The following SLCO4C1 variants were observed in gnomAD, a reference collection of about 807,000 sequenced individuals.
SLCO4C1 encodes organic anion transporter M1.
In SLCO4C1, 58 loss-of-function variants were observed where a neutral mutation model predicts 72.1. The observed-to-expected ratio is 0.80, with a 90% CI of 0.65 to 1.00. SLCO4C1 has a LOEUF of 1.00. Ranked by LOEUF, SLCO4C1 falls within the 50% of genes least tolerant of loss-of-function variation. The probability of loss-of-function intolerance (pLI) is 0.00; values close to 1 mark genes in which losing one functional copy is unlikely to be tolerated. For missense variants in SLCO4C1, 898 were observed against 857.9 expected (o/e 1.05, Z -0.58); for synonymous variants, 297 against 312.5 (o/e 0.95, Z 0.52).
At chr5:102,273,143 G>C (rs1749184846) in intron 2 of SLCO4C1, among the ~76,000 whole-genome samples, 1 of 151,972 alleles carries the variant, frequency 6.6e-6, no homozygotes, top group South Asian at 2.1e-4. Context: ...GAATAGACTT[G>C]AGAAATATGA....
chr5:102,243,539 C>T (rs72777929), intron 10 of SLCO4C1, among the ~76,000 whole-genome samples: 1,762 of 152,276 alleles, frequency 0.012, 20 homozygotes, highest in Middle Eastern at 0.02. Flanking sequence ...TACTGGCCTT[C>T]GGGTGCCCCT....
chr5:102,251,322 A>G (rs1206729492), intron 8 of SLCO4C1, among the ~76,000 whole-genome samples: 1 of 152,236 alleles, frequency 6.6e-6, no homozygotes, highest in South Asian at 2.1e-4. Flanking sequence ...ACCAGTTACA[A>G]TACCCTAGAC....
Position 102,257,187 on chromosome 5 carries a change from G to T in SLCO4C1, c.1397C>A (p.Thr466Lys). 6.2e-7 allele frequency: 1 copy of T among 1,607,160 alleles called. No homozygotes were observed. Among genetic ancestry groups the T allele is most frequent in the Non-Finnish European group, 8.5e-7 (1 of 1,177,142 alleles). The change falls in exon 8 of 13, where the codon ACG (threonine) becomes AAG (lysine). Residue 466 changes from threonine (T) to lysine (K), a missense_variant. Transcript: ENST00000310954. ...GGCATACATAAATACAAAACTCAGC[G>T]TAAGTGCAACTCCAGATGTGAACAG... ...FALFTSGVALTLSFVFMYAKC... is the reference protein window; with the variant it reads ...FALFTSGVALKLSFVFMYAKC...
intron 10 of SLCO4C1, 27 bp from the exon 11 acceptor site, chr5:102,240,809 C>CA (rs757533667): frequency 1.3e-6 from 2 of 1,537,772 alleles, no homozygotes; most frequent in South Asian, 2.3e-5. Flanking sequence ...TATATGAGAC[C>CA]AAAAAAGGTG....
chr5:102,286,563 T>G (rs1381286685), intron 2 of SLCO4C1, among the ~76,000 whole-genome samples: 1 of 152,144 alleles, frequency 6.6e-6, no homozygotes, highest in African/African-American at 2.4e-5. Context: ...ATGACTTATT[T>G]AAAAGTGTTT....
At chr5:102,263,887 C>T in intron 3 of SLCO4C1, 107 bp from the exon 4 acceptor site, 1 of 785,968 alleles carries the variant, frequency 1.3e-6, no homozygotes, top group Non-Finnish European at 2.0e-6. Context: ...AACAATTAAA[C>T]ATATCAAAAT....
At chr5:102,292,610 C>G (rs909034685) in intron 1 of SLCO4C1, among the ~76,000 whole-genome samples, 6 of 149,722 alleles carry the variant, frequency 4.0e-5, no homozygotes, top group African/African-American at 1.5e-4. Flanking sequence ...CTTTCAACCA[C>G]TTGCATTCTA....
rs141053809 is a variant in SLCO4C1, at chr5:102,241,649, A to AT, written c.1812-868dup. On this transcript the variant is annotated intron_variant, in intron 10 of 12. Transcript: ENST00000310954. ...TTGTTTATGAATTGGAGGAATAAAT[A>AT]TTTTAAAATATTTATCCTACATCAA... Among the ~76,000 whole-genome samples, 1,383 of 152,286 alleles carry AT rather than the reference A, an allele frequency of 9.1e-3. 26 individuals are homozygous for AT. Among genetic ancestry groups the AT allele is most frequent in the African/African-American group, 0.032 (1,321 of 41,566 alleles).
chr5:102,290,688 C>T (rs971534623), intron 2 of SLCO4C1, among the ~76,000 whole-genome samples: 1 of 152,026 alleles, frequency 6.6e-6, no homozygotes, highest in African/African-American at 2.4e-5. Flanking sequence ...ATTAGAAGTC[C>T]CAGGAAGGAC....
chr5:102,276,209 T>C (rs1448576386), intron 2 of SLCO4C1, among the ~76,000 whole-genome samples: 2 of 152,166 alleles, frequency 1.3e-5, no homozygotes, highest in African/African-American at 4.8e-5. Flanking sequence ...GGACACAGAA[T>C]ATCCAACACA....
intron 3 of SLCO4C1, among the ~76,000 whole-genome samples, chr5:102,267,134 T>C (rs1237980511): frequency 6.6e-6 from 1 of 152,160 alleles, no homozygotes; most frequent in Admixed American, 6.5e-5. Context: ...GTAATACTGG[T>C]CTCAGAATAA....
At chr5:102,254,195 AG>A (rs1748792583) in intron 8 of SLCO4C1, among the ~76,000 whole-genome samples, 1 of 152,190 alleles carries the variant, frequency 6.6e-6, no homozygotes, top group African/African-American at 2.4e-5. Flanking sequence ...TGAGCTTCTT[AG>A]TCTGTTCTTT....
Position 102,236,607 on chromosome 5 carries a change from T to TTC in SLCO4C1, c.*250_*251insGA, listed in dbSNP as rs1289044444. On this transcript the variant is annotated 3_prime_UTR_variant, in exon 13 of 13. Coordinates refer to ENST00000310954, the MANE Select transcript of SLCO4C1 (RefSeq NM_180991.5). ...GTGTGTGTGTGTGTGTGTGTGTTCGTGTGTGTGTGTGTGTGTGTGCTCGTG... is the reference window on the plus strand; with the variant it reads ...GTGTGTGTGTGTGTGTGTGTGTTCGTTCGTGTGTGTGTGTGTGTGTGCTCGTG... The TTC allele has an allele frequency of 0.012, 1,902 of 156,230 alleles. 22 individuals are homozygous for TTC. Among genetic ancestry groups the TTC allele is most frequent in the African/African-American group, 0.06 (1,466 of 24,328 alleles). 9.7% of individuals were successfully genotyped at this position (156,230 alleles called of 1,614,324 possible). A position where few individuals can be genotyped will look rare whatever the true frequency, so the allele number is the denominator to read the frequency against.
chr5:102,286,560 A>T (rs1749456207), intron 2 of SLCO4C1, among the ~76,000 whole-genome samples: 1 of 152,136 alleles, frequency 6.6e-6, no homozygotes, highest in Non-Finnish European at 1.5e-5. Flanking sequence ...AATATGACTT[A>T]TTTAAAAGTG....
At chr5:102,272,309 T>C (rs1749167057) in intron 2 of SLCO4C1, among the ~76,000 whole-genome samples, 1 of 148,820 alleles carries the variant, frequency 6.7e-6, no homozygotes, top group African/African-American at 2.4e-5. Context: ...TTGTTATTAC[T>C]TCAGCTTTCT....
At chr5:102,276,767 C>T (rs925691045) in intron 2 of SLCO4C1, among the ~76,000 whole-genome samples, 2 of 152,156 alleles carry the variant, frequency 1.3e-5, no homozygotes, top group Non-Finnish European at 2.9e-5. Flanking sequence ...TTAGTGAACT[C>T]TCCCTGTTGA....
In SLCO4C1 at chr5:102,294,194, C is replaced by A. The variant is rs1580272278; in HGVS notation, c.355+1714G>T. Among the ~76,000 whole-genome samples the A allele has an allele frequency of 5.9e-5, 9 of 152,260 alleles. No individual in the cohort carries two copies. The South Asian group carries it at 1.7e-3, about 28-fold the overall frequency. On this transcript the variant is annotated intron_variant, in intron 1 of 12. Coordinates refer to ENST00000310954, the MANE Select transcript of SLCO4C1 (RefSeq NM_180991.5). ...AAAGTGCTGCAATTACAGGCGTGAG[C>A]CACGGCGCCCGGCCATAATTTTTTG...
chr5:102,248,830 G>T (rs1748682810), intron 9 of SLCO4C1, among the ~76,000 whole-genome samples: 1 of 151,922 alleles, frequency 6.6e-6, no homozygotes. Flanking sequence ...TTATTTCCAA[G>T]GTTCTTAAGT....
chr5:102,260,178 G>T, intron 6 of SLCO4C1, 35 bp downstream of exon 6: 2 of 611,058 alleles, frequency 3.3e-6, no homozygotes, highest in South Asian at 4.9e-5. Context: ...GTGTGTATGA[G>T]ACTGAGAGAG....
Sources: gnomAD v4.1 joint callset for allele counts (sites outside exome capture counted in the v4.1 genomes callset) on GRCh38, gnomAD v4.1.1 for gene constraint, MANE v1.5 for transcripts, NCBI Gene and HGNC (gene_info 2026-07-23, HGNC 2026-07-21) for gene names.